The following IGSF23 variants were observed in gnomAD, a reference collection of about 807,000 sequenced individuals.
The protein encoded by IGSF23 is immunoglobulin superfamily member 23.
IGSF23 carries 14 observed loss-of-function variants against 17.8 expected under a neutral mutation model. That is an observed-to-expected ratio of 0.79 (90% confidence interval 0.52 to 1.23). The LOEUF is 1.23. Among genes scored for constraint, IGSF23 ranks in the 50% most tolerant of loss-of-function variants. IGSF23 has a pLI of 0.00. For missense variants in IGSF23, 214 were observed against 241.7 expected (o/e 0.89, Z 0.76); for synonymous variants, 85 against 92.5 (o/e 0.92, Z 0.46).
chr19:44,624,903 A>C (rs1387918894), intron 2 of IGSF23, among the ~76,000 whole-genome samples: 1 of 80,462 alleles, frequency 1.2e-5, no homozygotes. Flanking sequence ...CTCTACCAAA[A>C]AAAAAAAAAA....
At chr19:44,619,389 G>A (rs1021281299) in intron 1 of IGSF23, among the ~76,000 whole-genome samples, 2 of 152,114 alleles carry the variant, frequency 1.3e-5, no homozygotes, top group African/African-American at 4.8e-5. Context: ...TCATCACTTG[G>A]GAAAGGTAGA....
At chr19:44,621,329 C>T (rs1972516260) in intron 1 of IGSF23, among the ~76,000 whole-genome samples, 1 of 146,886 alleles carries the variant, frequency 6.8e-6, no homozygotes, top group African/African-American at 2.5e-5. Flanking sequence ...AAGGACTTGA[C>T]TTCTTTGAGC....
intron 1 of IGSF23, among the ~76,000 whole-genome samples, chr19:44,623,207 A>G (rs867805498): frequency 6.6e-6 from 1 of 152,172 alleles, no homozygotes; most frequent in African/African-American, 2.4e-5. Context: ...AAGGAACTCG[A>G]GAGTGGGGAA....
At chr19:44,630,291 A>G (rs1010555951) in intron 3 of IGSF23, among the ~76,000 whole-genome samples, 1 of 152,238 alleles carries the variant, frequency 6.6e-6, no homozygotes, top group African/African-American at 2.4e-5. Context: ...GATTGCCTTC[A>G]TCATTGTGGC....
intron 3 of IGSF23, among the ~76,000 whole-genome samples, chr19:44,633,696 G>A (rs922750651): frequency 3.9e-5 from 6 of 152,158 alleles, no homozygotes; most frequent in African/African-American, 1.4e-4. Flanking sequence ...TGAAATGTCC[G>A]CTCCTGTATC....
At chr19:44,616,602 CAG>C (rs1336734368) in intron 1 of IGSF23, among the ~76,000 whole-genome samples, 4 of 149,578 alleles carry the variant, frequency 2.7e-5, no homozygotes, top group Non-Finnish European at 4.4e-5. Context: ...GAGGCTGAGG[CAG>C]GGGAATCACT....
intron 2 of IGSF23, among the ~76,000 whole-genome samples, chr19:44,626,570 G>A (rs1972652307): frequency 6.6e-6 from 1 of 152,138 alleles, no homozygotes; most frequent in Non-Finnish European, 1.5e-5. Context: ...AGTTAAGGAG[G>A]GCTTCCTGGA....
intron 3 of IGSF23, chr19:44,632,197 T>C (rs1260763153): frequency 3.4e-6 from 1 of 296,980 alleles, no homozygotes. Flanking sequence ...TTATGGTAAA[T>C]ACTGAGATCA....
In IGSF23 at chr19:44,635,282, C is replaced by T. The variant is rs955160011; in HGVS notation, c.546-119C>T. 6.7e-6 allele frequency: 5 copies of T among 745,774 alleles called. No homozygotes were observed. In the African/African-American group the frequency reaches 7.0e-5, roughly 10 times the overall value. 46.2% of individuals were successfully genotyped at this position (745,774 alleles called of 1,614,324 possible). ...TGAAGAATCTATCTCCAAATATAGT[C>T]ACATTGGAGGGTTAGGACTACATAT... On this transcript the variant is annotated intron_variant, in intron 3 of 4. Coordinates refer to ENST00000402988, the MANE Select transcript of IGSF23 (RefSeq NM_001205280.2).
intron 1 of IGSF23, among the ~76,000 whole-genome samples, chr19:44,615,754 C>T (rs1972360260): frequency 6.6e-6 from 1 of 152,030 alleles, no homozygotes; most frequent in African/African-American, 2.4e-5. Context: ...TGGTGGGCCT[C>T]TTCCCTATTT....
intron 3 of IGSF23, among the ~76,000 whole-genome samples, chr19:44,630,661 C>A (rs989467476): frequency 6.6e-6 from 1 of 152,232 alleles, no homozygotes; most frequent in African/African-American, 2.4e-5. Context: ...GGGGCATCAG[C>A]TGGAAGGAGC....
At chr19:44,614,796 A>G (rs1972333285) in intron 1 of IGSF23, among the ~76,000 whole-genome samples, 1 of 152,126 alleles carries the variant, frequency 6.6e-6, no homozygotes, top group Admixed American at 6.5e-5. Flanking sequence ...CTTTGAGATC[A>G]GAGCTGTACG....
chr19:44,633,396 C>T (rs1972812608), intron 3 of IGSF23, among the ~76,000 whole-genome samples: 1 of 152,188 alleles, frequency 6.6e-6, no homozygotes, highest in Non-Finnish European at 1.5e-5. Flanking sequence ...TTTTTCTAGT[C>T]TCATGCTAGG....
chr19:44,635,871 C>T (rs1972878556), intron 4 of IGSF23, among the ~76,000 whole-genome samples: 1 of 152,210 alleles, frequency 6.6e-6, no homozygotes. Flanking sequence ...CTTGAAACAA[C>T]AGCCATTTAT....
At chr19:44,634,691 T>C (rs190575742) in intron 3 of IGSF23, among the ~76,000 whole-genome samples, 5 of 152,040 alleles carry the variant, frequency 3.3e-5, no homozygotes, top group East Asian at 3.9e-4. Flanking sequence ...GGCCAGATTT[T>C]GGGGGGCATG....
intron 2 of IGSF23, among the ~76,000 whole-genome samples, chr19:44,626,649 G>A (rs1972654268): frequency 6.6e-6 from 1 of 152,198 alleles, no homozygotes; most frequent in African/African-American, 2.4e-5. Context: ...TGTAATCTCA[G>A]CACTTTGGGA....
rs1972675513 is a variant in IGSF23 at position 44,627,425 on chromosome 19, A to T, written c.397A>T (p.Ile133Phe). 6.5e-7 allele frequency: 1 copy of T among 1,538,246 alleles called. No individual in the cohort carries two copies. The highest frequency in any genetic ancestry group is 8.8e-7 in the Non-Finnish European group (1 of 1,137,988). Residue 133 changes from isoleucine to phenylalanine, a missense_variant, in exon 3 of 5, where the codon ATC becomes TTC. Ile to Phe is a conservative substitution (Grantham distance 21, BLOSUM62 0). Transcript: ENST00000402988. ...CACCCCTCCTTGGTCCCCAGAACCC[A>T]TCATGCAGCCCACAGAAGCAGAGCC... Reference protein sequence around the residue: ...EPVTISLPKPIMQPTEAEPME... With the variant: ...EPVTISLPKPFMQPTEAEPME...
At position 44,636,434 on chromosome 19, in the gene IGSF23, C is replaced by T. The variant is rs1244038064; in HGVS notation, c.*47C>T. 6.6e-6 allele frequency: 1 copy of T among 151,984 alleles called. No individual in the cohort carries two copies. Among genetic ancestry groups the T allele is most frequent in the Admixed American group, 6.6e-5 (1 of 15,230 alleles). 9.4% of individuals were successfully genotyped at this position (151,984 alleles called of 1,614,324 possible). On this transcript the variant is annotated 3_prime_UTR_variant, in exon 5 of 5. Transcript: ENST00000402988. ...CTCTCTGCAGATGGGTGCTTTGTACCTCTCTATCCACGTGGAAAAAAAAAC... is the reference window on the plus strand; with the variant it reads ...CTCTCTGCAGATGGGTGCTTTGTACTTCTCTATCCACGTGGAAAAAAAAAC...
intron 3 of IGSF23, among the ~76,000 whole-genome samples, chr19:44,630,617 T>C (rs1433684197): frequency 2.0e-5 from 3 of 152,160 alleles, no homozygotes; most frequent in Non-Finnish European, 4.4e-5. Context: ...ACCTATTTAG[T>C]TGTGAGCAAC....
Sources: gnomAD v4.1 joint callset for allele counts (sites outside exome capture counted in the v4.1 genomes callset) on GRCh38, gnomAD v4.1.1 for gene constraint, MANE v1.5 for transcripts, NCBI Gene and HGNC (gene_info 2026-07-23, HGNC 2026-07-21) for gene names.